Variants in FAM240A observed in about 807,000 individuals in gnomAD.
FAM240A encodes family with sequence similarity 240 member A.
In FAM240A, 8 loss-of-function variants were observed where a neutral mutation model predicts 7.3. The ratio of observed to expected loss-of-function variants is 1.09; its 90% confidence interval spans 0.64 to 1.97. FAM240A has a LOEUF of 1.97. Ranked by LOEUF, FAM240A falls within the 30% of genes most tolerant of loss-of-function variation. FAM240A has a pLI of 0.00. For missense variants in FAM240A, 90 were observed against 102.2 expected (o/e 0.88, Z 0.52); for synonymous variants, 32 against 35.9 (o/e 0.89, Z 0.38).
intron 1 of FAM240A, among the ~76,000 whole-genome samples, chr3:46,616,945 A>T (rs1697636425): frequency 6.6e-6 from 1 of 152,212 alleles, no homozygotes; most frequent in African/African-American, 2.4e-5. Context: ...ACTGTTTTCC[A>T]AAGAGGTTGT....
At chr3:46,622,876 T>A (rs1697713039) in intron 2 of FAM240A, among the ~76,000 whole-genome samples, 2 of 152,226 alleles carry the variant, frequency 1.3e-5, no homozygotes, top group East Asian at 1.9e-4. Context: ...AATTTTGGAA[T>A]CAACTTGTCA....
intron 2 of FAM240A, among the ~76,000 whole-genome samples, chr3:46,623,014 C>CT (rs1262147131): frequency 6.6e-6 from 1 of 152,048 alleles, no homozygotes; most frequent in Admixed American, 6.6e-5. Flanking sequence ...ATATACGTCC[C>CT]TTTATTTAGG....
Position 46,625,341 on chromosome 3 carries a change from T to A in FAM240A, c.*123T>A. ...GCTCTCACACTATTGTTTCCCCACC[T>A]GGGAGAGGACTTACCTGTAAATCCT... On this transcript the variant is annotated 3_prime_UTR_variant, in exon 3 of 3. Coordinates refer to ENST00000640551, the MANE Select transcript of FAM240A (RefSeq NM_001195442.2). 1 of 639,694 alleles carries A rather than the reference T, an allele frequency of 1.6e-6. No homozygotes were observed. Among genetic ancestry groups the A allele is most frequent in the Non-Finnish European group, 2.6e-6 (1 of 381,966 alleles). 39.6% of individuals were successfully genotyped at this position (639,694 alleles called of 1,614,324 possible). A position where few individuals can be genotyped will look rare whatever the true frequency, so the allele number is the denominator to read the frequency against.
At chr3:46,617,106 A>G (rs985202839) in intron 1 of FAM240A, 77 bp from the exon 2 acceptor site, 4 of 980,606 alleles carry the variant, frequency 4.1e-6, no homozygotes, top group Admixed American at 5.5e-5. Context: ...TTTAATTTAC[A>G]TTTCCCTGAT....
At chr3:46,622,907 C>A (rs1401585909) in intron 2 of FAM240A, among the ~76,000 whole-genome samples, 1 of 152,082 alleles carries the variant, frequency 6.6e-6, no homozygotes, top group Non-Finnish European at 1.5e-5. Context: ...TGTAAAACAG[C>A]CTGCTGGTTT....
At chr3:46,619,311 C>T (rs575012256) in intron 2 of FAM240A, among the ~76,000 whole-genome samples, 34 of 152,172 alleles carry the variant, frequency 2.2e-4, no homozygotes, top group African/African-American at 7.5e-4. Flanking sequence ...CTTTTGGGTC[C>T]CTGGGGTGAG....
intron 2 of FAM240A, among the ~76,000 whole-genome samples, chr3:46,618,351 A>G (rs1697653197): frequency 6.6e-6 from 1 of 152,194 alleles, no homozygotes; most frequent in Non-Finnish European, 1.5e-5. Flanking sequence ...AGTTCCTGCC[A>G]TCTTCGTCCC....
intron 1 of FAM240A, among the ~76,000 whole-genome samples, chr3:46,614,349 G>A (rs959546182): frequency 6.6e-6 from 1 of 152,214 alleles, no homozygotes; most frequent in Non-Finnish European, 1.5e-5. Context: ...TCTGCTCATA[G>A]TGAGGACAAT....
chr3:46,620,910 T>C (rs1449611229), intron 2 of FAM240A, among the ~76,000 whole-genome samples: 2 of 152,212 alleles, frequency 1.3e-5, no homozygotes, highest in Non-Finnish European at 2.9e-5. Flanking sequence ...AAAGGAGTTA[T>C]TATATTTAAG....
Position 46,617,187 on chromosome 3 carries a change from T to TA in FAM240A, c.20_21insA (p.Met7IlefsTer18). On this transcript the variant is annotated frameshift_variant, in exon 2 of 3. Transcript: ENST00000640551. LOFTEE classifies it high-confidence loss of function. ...TATGGCTATTTTCCTTTTTAGGGGA[T>TA]GAACAATCAATACACCCGTCGGGAG... 1 of 1,524,226 alleles carries TA rather than the reference T, an allele frequency of 6.6e-7. No homozygotes were observed. The highest frequency in any genetic ancestry group is 1.2e-5 in the South Asian group (1 of 81,186). The allele number at this position is 1,524,226 out of a possible 1,614,324, so 94.4% of individuals were successfully genotyped here.
chr3:46,613,851 G>T (rs1697597630), intron 1 of FAM240A, among the ~76,000 whole-genome samples: 1 of 152,192 alleles, frequency 6.6e-6, no homozygotes, highest in African/African-American at 2.4e-5. Context: ...CCCTGAGGAG[G>T]GGCCCTGTCT....
At chr3:46,612,905 C>T (rs1368534123) in intron 1 of FAM240A, among the ~76,000 whole-genome samples, 1 of 152,206 alleles carries the variant, frequency 6.6e-6, no homozygotes, top group Non-Finnish European at 1.5e-5. Flanking sequence ...ACAGTCTCCT[C>T]ATCACACTTC....
chr3:46,624,766 C>T (rs556364937), intron 2 of FAM240A, among the ~76,000 whole-genome samples: 17 of 152,032 alleles, frequency 1.1e-4, no homozygotes, highest in Admixed American at 3.3e-4. Context: ...AGTTTGCATA[C>T]GTCTAAAAAT....
chr3:46,622,458 C>G (rs1469946593), intron 2 of FAM240A, among the ~76,000 whole-genome samples: 2 of 152,036 alleles, frequency 1.3e-5, no homozygotes, highest in Non-Finnish European at 2.9e-5. Context: ...GAAGACTTTG[C>G]CTATCCCAAG....
At chr3:46,620,558 A>G (rs1013721566) in intron 2 of FAM240A, among the ~76,000 whole-genome samples, 6 of 151,918 alleles carry the variant, frequency 3.9e-5, no homozygotes, top group South Asian at 2.1e-4. Flanking sequence ...AATTAACAGC[A>G]TATACAGGAA....
At chr3:46,617,085 CT>C in intron 1 of FAM240A, 97 bp from the exon 2 acceptor site, 1 of 801,850 alleles carries the variant, frequency 1.2e-6, no homozygotes, top group South Asian at 2.1e-5. Flanking sequence ...TGGTAGGTAT[CT>C]CATTGTGGTT....
intron 2 of FAM240A, 32 bp from the exon 3 acceptor site, chr3:46,625,096 G>T: frequency 1.4e-6 from 2 of 1,458,798 alleles, no homozygotes; most frequent in East Asian, 5.0e-5. Flanking sequence ...GGAAATGAAT[G>T]CTCCATCTGT....
Position 46,617,231 on chromosome 3 carries a change from T to G in FAM240A, c.64T>G (p.Cys22Gly). The change falls in exon 2 of 3, where the codon TGC becomes GGC. Residue 22 changes from cysteine (C) to glycine (G), a missense_variant. Physicochemically the swap from Cys to Gly is radical, Grantham distance 159. Transcript: ENST00000640551. ...TRREVFCRNT[C>G]HDLKHFWERE... ...TCGGGAGGTCTTCTGCCGGAACACC[T>G]GCCATGATCTCAAGCATTTCTGGGA... 2 of 1,535,564 alleles carry G rather than the reference T, an allele frequency of 1.3e-6. No homozygotes were observed. The highest frequency in any genetic ancestry group is 1.7e-6 in the Non-Finnish European group (2 of 1,146,620).
rs1697574589 is a variant in FAM240A, at chr3:46,612,534, G to A, written c.-150G>A. ...TGAGACTTGGGAAATCAAATTGCTG[G>A]CACAGCGTTAAGGCTTGCGAGGGAC... is the stretch of plus-strand genomic sequence containing the variant. On this transcript the variant is annotated 5_prime_UTR_variant, in exon 1 of 3. Transcript: ENST00000640551. 1 of 627,844 alleles carries A rather than the reference G, an allele frequency of 1.6e-6. No homozygotes were observed. Among genetic ancestry groups the A allele is most frequent in the South Asian group, 1.9e-5 (1 of 53,230 alleles). The allele number at this position is 627,844 out of a possible 1,614,324, so 38.9% of individuals were successfully genotyped here.
Sources: gnomAD v4.1 joint callset for allele counts (sites outside exome capture counted in the v4.1 genomes callset) on GRCh38, gnomAD v4.1.1 for gene constraint, MANE v1.5 for transcripts, NCBI Gene and HGNC (gene_info 2026-07-23, HGNC 2026-07-21) for gene names.